LRPPRC: variants seen among roughly 807,000 people sequenced by gnomAD.
The protein encoded by LRPPRC is leucine-rich PPR motif-containing protein, mitochondrial.
A neutral mutation model predicts 180.3 loss-of-function variants in LRPPRC; 120 were observed. The ratio of observed to expected loss-of-function variants is 0.67; its 90% CI spans 0.57 to 0.77. The LOEUF (loss-of-function observed/expected upper bound fraction) is 0.77. Ranked by LOEUF, LRPPRC falls within the 30% of genes least tolerant of loss-of-function variation. LRPPRC has a pLI of 0.00. For synonymous variants in LRPPRC, 723 were observed against 600.0 expected (o/e 1.21, Z -3.00); for missense variants, 2,012 against 1,657.2 (o/e 1.21, Z -3.72).
intron 11 of LRPPRC, among the ~76,000 whole-genome samples, chr2:43,972,339 C>G (rs1273852387): frequency 6.6e-6 from 1 of 152,094 alleles, no homozygotes; most frequent in African/African-American, 2.4e-5. Context: ...ACTGCTACAA[C>G]CATAGAAAGA....
At chr2:43,975,660 G>A (rs1174491408) in intron 6 of LRPPRC, among the ~76,000 whole-genome samples, 1 of 150,992 alleles carries the variant, frequency 6.6e-6, no homozygotes, top group Admixed American at 6.6e-5. Flanking sequence ...TCGGCTCACT[G>A]CAACCTCTGC....
intron 1 of LRPPRC, among the ~76,000 whole-genome samples, chr2:43,989,692 T>C (rs1674685620): frequency 6.6e-6 from 1 of 152,204 alleles, no homozygotes; most frequent in South Asian, 2.1e-4. Context: ...GGCAGTTAAC[T>C]GTAAACAGGA....
chr2:43,950,061 TTAAG>T (rs1221738168), intron 15 of LRPPRC, among the ~76,000 whole-genome samples: 1 of 152,236 alleles, frequency 6.6e-6, no homozygotes, highest in African/African-American at 2.4e-5. Context: ...TCATTTTATA[TTAAG>T]TTTTACTGAA....
intron 1 of LRPPRC, among the ~76,000 whole-genome samples, chr2:43,991,605 G>A (rs1243732328): frequency 6.6e-6 from 1 of 152,164 alleles, no homozygotes; most frequent in African/African-American, 2.4e-5. Flanking sequence ...CAAGGAAAAT[G>A]TATGTGACAA....
At chr2:43,918,575 C>CTTCT (rs990981586) in intron 27 of LRPPRC, among the ~76,000 whole-genome samples, 177 bp from the exon 28 acceptor site, 1 of 151,924 alleles carries the variant, frequency 6.6e-6, no homozygotes, top group African/African-American at 2.4e-5. Flanking sequence ...TTTCTCTGTA[C>CTTCT]TTCTGAATTA....
chr2:43,920,866 T>A (rs1475438376), intron 27 of LRPPRC, among the ~76,000 whole-genome samples: 3 of 152,168 alleles, frequency 2.0e-5, no homozygotes, highest in African/African-American at 7.2e-5. Flanking sequence ...GGTGGGTGGA[T>A]AATCTACAAC....
At chr2:43,920,102 A>AAC (rs1220645247) in intron 27 of LRPPRC, among the ~76,000 whole-genome samples, 1 of 147,528 alleles carries the variant, frequency 6.8e-6, no homozygotes, top group African/African-American at 2.5e-5. Context: ...AAAAAAAAAA[A>AAC]CTTAGAGAAA....
Position 43,901,351 on chromosome 2 carries a change from T to G in LRPPRC, c.3538A>C (p.Ile1180Leu). 6.2e-7 allele frequency: 1 copy of G among 1,614,000 alleles called. No homozygotes were observed. The highest frequency in any genetic ancestry group is 8.5e-7 in the Non-Finnish European group (1 of 1,179,882). The change falls in exon 32 of 38, where the codon ATC becomes CTC. Residue 1180 changes from isoleucine (I) to leucine (L), a missense_variant. Ile to Leu is a conservative substitution (Grantham distance 5). Transcript: ENST00000260665. The part of the protein sequence containing the change: ...DSIGLSKMVF[I>L]NNIALAQIKN... ...ATTTGAGCCAAAGCAATGTTATTGATGAAAACCATTTTTGAAAGTCCAATG... is the reference window on the plus strand; with the variant it reads ...ATTTGAGCCAAAGCAATGTTATTGAGGAAAACCATTTTTGAAAGTCCAATG...
chr2:43,959,151 T>C (rs746980241), intron 13 of LRPPRC: 10 of 709,874 alleles, frequency 1.4e-5, no homozygotes, highest in Non-Finnish European at 2.4e-5. Context: ...GCAGCTCTCA[T>C]GGATCCACCT....
chr2:43,917,165 C>T (rs558414283), intron 29 of LRPPRC, among the ~76,000 whole-genome samples: 2 of 151,308 alleles, frequency 1.3e-5, no homozygotes, highest in South Asian at 2.1e-4. Context: ...CTCATCCTCC[C>T]GAGTAGCTGC....
At chr2:43,979,776 G>GA (rs778037840) in intron 3 of LRPPRC, 50 bp downstream of exon 3, 1 of 1,577,252 alleles carries the variant, frequency 6.3e-7, no homozygotes, top group Non-Finnish European at 8.7e-7. Context: ...TTTGCAAAAA[G>GA]AAAAAACATC....
chr2:43,937,724 C>CTATGACTCTGTGT (rs1453821241), intron 23 of LRPPRC, among the ~76,000 whole-genome samples: 5 of 152,152 alleles, frequency 3.3e-5, no homozygotes, highest in Non-Finnish European at 5.9e-5. Flanking sequence ...CTAACAGGTT[C>CTATGACTCTGTGT]TATGACTCTG....
chr2:43,889,731 C>A lies in LRPPRC; in HGVS notation c.4128+3G>T. 1 of 1,610,016 alleles carries A rather than the reference C, an allele frequency of 6.2e-7. No homozygotes were observed. Among genetic ancestry groups the A allele is most frequent in the Non-Finnish European group, 8.5e-7 (1 of 1,176,310 alleles). ...TTTTTCCCCTTAATTAAGAAATACTCACAGGGGGTTCAATGAAAGGGACAG... is the reference window on the plus strand; with the variant it reads ...TTTTTCCCCTTAATTAAGAAATACTAACAGGGGGTTCAATGAAAGGGACAG... On this transcript the variant is annotated splice_donor_region_variant and intron_variant, in intron 37 of 37. Transcript: ENST00000260665.
chr2:43,911,683 C>T (rs967090664), intron 30 of LRPPRC, among the ~76,000 whole-genome samples: 1 of 151,884 alleles, frequency 6.6e-6, no homozygotes, highest in Admixed American at 6.6e-5. Context: ...CATGCCACCA[C>T]GCCCAGCTAA....
At chr2:43,908,841 A>G (rs1671154556) in intron 30 of LRPPRC, among the ~76,000 whole-genome samples, 1 of 152,172 alleles carries the variant, frequency 6.6e-6, no homozygotes, top group Non-Finnish European at 1.5e-5. Context: ...GGCCAAAACT[A>G]TGGCTCTCAA....
At chr2:43,929,973 CAAA>C (rs1286083864) in intron 25 of LRPPRC, among the ~76,000 whole-genome samples, 2 of 151,866 alleles carry the variant, frequency 1.3e-5, no homozygotes, top group African/African-American at 4.8e-5. Flanking sequence ...AACAAACAAA[CAAA>C]CAAACAAACC....
At chr2:43,986,244 C>T (rs1463523572) in intron 1 of LRPPRC, among the ~76,000 whole-genome samples, 2 of 152,166 alleles carry the variant, frequency 1.3e-5, no homozygotes, top group African/African-American at 2.4e-5. Context: ...ATTCTCATGC[C>T]TCAGCCTCCT....
intron 1 of LRPPRC, among the ~76,000 whole-genome samples, chr2:43,995,078 T>C (rs1042404546): frequency 6.6e-6 from 1 of 152,028 alleles, no homozygotes; most frequent in Non-Finnish European, 1.5e-5. Context: ...CAGTCTCTAC[T>C]AAAAGTACAA....
chr2:43,971,487 A>AAAAAAAAAG (rs1340725177), intron 11 of LRPPRC, among the ~76,000 whole-genome samples: 5 of 94,870 alleles, frequency 5.3e-5, no homozygotes, highest in Non-Finnish European at 1.1e-4. Context: ...TGTCACAGTA[A>AAAAAAAAAG]AAAAAAAAAA....
Sources: gnomAD v4.1 joint callset for allele counts (sites outside exome capture counted in the v4.1 genomes callset) on GRCh38, gnomAD v4.1.1 for gene constraint, MANE v1.5 for transcripts, NCBI Gene and HGNC (gene_info 2026-07-23, HGNC 2026-07-21) for gene names.